TRIM16: variants seen among roughly 807,000 people sequenced by gnomAD.
The protein encoded by TRIM16 is tripartite motif containing 16.
TRIM16 carries 33 observed loss-of-function variants against 50.4 expected under a neutral mutation model. The ratio of observed to expected loss-of-function variants is 0.65; its 90% CI spans 0.50 to 0.88. TRIM16 has a LOEUF of 0.88. Ranked by LOEUF, TRIM16 falls within the 40% of genes least tolerant of loss-of-function variation. The pLI, the probability that TRIM16 is intolerant of heterozygous loss-of-function variation, is 0.00. For synonymous variants in TRIM16, 229 were observed against 270.7 expected, an observed-to-expected ratio of 0.85 and a Z score of 1.51; for missense variants, 581 against 686.8, an observed-to-expected ratio of 0.85 and a Z score of 1.72.
Position 15,651,538 on chromosome 17 carries a change from G to A in TRIM16, c.72C>T (p.Ser24=), listed in dbSNP as rs1987707117. 1.2e-6 allele frequency: 2 copies of A among 1,613,828 alleles called. No homozygotes were observed. The highest frequency in any genetic ancestry group is 1.7e-6 in the Non-Finnish European group (2 of 1,179,952). ...RATAQPPAPL[S]PDSGSPSPDS... ...CTGGGCTGGGTGACCCAGAGTCTGG[G>A]CTGAGAGGGGCTGGGGGCTGAGCAG... Residue 24 remains serine (S), a synonymous_variant, in exon 7 of 12, where the codon AGC becomes AGT. Coordinates refer to ENST00000649191, the MANE Select transcript of TRIM16 (RefSeq NM_001348119.1).
Position 15,639,958 on chromosome 17 carries a change from C to A in TRIM16, c.615+2763G>T, listed in dbSNP as rs1355494066. On this transcript the variant is annotated intron_variant, in intron 8 of 11. Coordinates refer to ENST00000649191, the MANE Select transcript of TRIM16 (RefSeq NM_001348119.1). ...ACTCTTCCAATTATATAACAATAAT[C>A]ATAAAAACAACCAACATGTAGTAAG... Among the ~76,000 whole-genome samples the A allele has an allele frequency of 2.0e-5, 3 of 149,282 alleles. 1 individual carries two copies. Among genetic ancestry groups the A allele is most frequent in the Non-Finnish European group, 4.5e-5 (3 of 67,208 alleles).
At chr17:15,664,786 G>A (rs1227442153) in intron 6 of TRIM16, among the ~76,000 whole-genome samples, 1 of 152,118 alleles carries the variant, frequency 6.6e-6, no homozygotes, top group Non-Finnish European at 1.5e-5. Context: ...TGTCATCCCA[G>A]CGCTCTGGAA....
At chr17:15,644,681 G>T (rs183744619) in intron 7 of TRIM16, among the ~76,000 whole-genome samples, 2 of 152,014 alleles carry the variant, frequency 1.3e-5, no homozygotes, top group Non-Finnish European at 2.9e-5. Context: ...GCTCTCGGGA[G>T]CCCCCTCAGC....
At chr17:15,642,058 G>A (rs1361506614) in intron 8 of TRIM16, among the ~76,000 whole-genome samples, 1 of 148,580 alleles carries the variant, frequency 6.7e-6, no homozygotes, top group Non-Finnish European at 1.5e-5. Flanking sequence ...TGGCCAGACT[G>A]GTCTCGAACT....
intron 6 of TRIM16, among the ~76,000 whole-genome samples, chr17:15,670,356 A>G (rs1225239676): frequency 2.0e-5 from 3 of 152,106 alleles, no homozygotes; most frequent in Non-Finnish European, 2.9e-5. Flanking sequence ...AATAACTACC[A>G]CTAAATGTAA....
intron 6 of TRIM16, among the ~76,000 whole-genome samples, chr17:15,669,063 G>A (rs1988619291): frequency 6.6e-6 from 1 of 151,850 alleles, no homozygotes; most frequent in Non-Finnish European, 1.5e-5. Flanking sequence ...ACATTATTAA[G>A]AATGAAATAT....
At position 15,660,471 on chromosome 17, in the gene TRIM16, T is replaced by A. The variant is rs148605003; in HGVS notation, c.-337-8525A>T. ...GAAAACCAGATGGTTAAACACTCCA[T>A]ATTTCTATACCCCTGATTGTCTGCA... On this transcript the variant is annotated intron_variant, in intron 6 of 11. Coordinates refer to ENST00000649191, the MANE Select transcript of TRIM16 (RefSeq NM_001348119.1). 5.3e-3 allele frequency among the ~76,000 whole-genome samples: 802 copies of A among 152,314 alleles called. 5 individuals carry two copies. Among genetic ancestry groups the A allele is most frequent in the Middle Eastern group, 0.044 (13 of 294 alleles).
At chr17:15,634,857 A>G (rs564118484) in intron 9 of TRIM16, among the ~76,000 whole-genome samples, 8 of 149,048 alleles carry the variant, frequency 5.4e-5, no homozygotes, top group Non-Finnish European at 1.2e-4. Context: ...ACAAAACGAG[A>G]AAAGAGAAAT....
In TRIM16 at chr17:15,628,131, A is replaced by C. The variant is rs1467875801; in HGVS notation, c.*484T>G. 6.5e-6 allele frequency: 1 copy of C among 153,400 alleles called. No individual in the cohort carries two copies. Among genetic ancestry groups the C allele is most frequent in the Non-Finnish European group, 1.4e-5 (1 of 69,074 alleles). The allele number at this position is 153,400 out of a possible 1,614,324, so 9.5% of individuals were successfully genotyped here. On this transcript the variant is annotated 3_prime_UTR_variant, in exon 12 of 12. Transcript: ENST00000649191. ...TGCCTAAAAATTACTACAAACAGGC[A>C]GGGCGCAGTGGCTCACGCATGTAAT...
Position 15,638,255 on chromosome 17 carries a change from AT to A in TRIM16, c.616-1987del, listed in dbSNP as rs766428163. Reference sequence around the variant, plus strand: ...CCAAGAATTATCAATAAAAAAATAAATTTAAAAAAAAAAAAAAAAAAGAATT... The same window carrying A: ...CCAAGAATTATCAATAAAAAAATAAATTAAAAAAAAAAAAAAAAAAGAATT... On this transcript the variant is annotated intron_variant, in intron 8 of 11. Coordinates refer to ENST00000649191, the MANE Select transcript of TRIM16 (RefSeq NM_001348119.1). Among the ~76,000 whole-genome samples the A allele has an allele frequency of 4.0e-3, 532 of 131,444 alleles. 27 individuals carry two copies. The highest frequency in any genetic ancestry group is 0.015 in the African/African-American group (441 of 29,232). The allele number at this position is 131,444 out of a possible 152,430, so 86.2% of individuals were successfully genotyped here.
chr17:15,649,652 T>C (rs994802190), intron 7 of TRIM16, among the ~76,000 whole-genome samples: 1 of 152,162 alleles, frequency 6.6e-6, no homozygotes, highest in African/African-American at 2.4e-5. Context: ...AATTCTTGTA[T>C]ATGTGTGGCA....
intron 6 of TRIM16, among the ~76,000 whole-genome samples, chr17:15,653,367 C>T (rs1402904354): frequency 6.6e-6 from 1 of 152,156 alleles, no homozygotes; most frequent in Admixed American, 6.5e-5. Context: ...TATTCCTTTA[C>T]AGCAACACAA....
At chr17:15,633,112 T>C (rs1986516888) in intron 9 of TRIM16, among the ~76,000 whole-genome samples, 1 of 152,240 alleles carries the variant, frequency 6.6e-6, no homozygotes, top group Admixed American at 6.5e-5. Flanking sequence ...ATCCAATGCA[T>C]AAATTTCTGT....
At chr17:15,656,010 A>G (rs1350544813) in intron 6 of TRIM16, among the ~76,000 whole-genome samples, 1 of 152,174 alleles carries the variant, frequency 6.6e-6, no homozygotes, top group Non-Finnish European at 1.5e-5. Flanking sequence ...TCCGAGCTCA[A>G]TGGGAGACGG....
At chr17:15,655,853 T>C (rs1488464611) in intron 6 of TRIM16, among the ~76,000 whole-genome samples, 1 of 152,182 alleles carries the variant, frequency 6.6e-6, no homozygotes, top group African/African-American at 2.4e-5. Flanking sequence ...GGAGTACAGG[T>C]GTGAGCCACC....
Position 15,628,706 on chromosome 17 carries a change from C to T in TRIM16, c.1604G>A (p.Trp535Ter). The T allele has an allele frequency of 6.2e-7, 1 of 1,614,140 alleles. No individual in the cohort carries two copies. The highest frequency in any genetic ancestry group is 1.1e-5 in the South Asian group (1 of 91,078). Residue 535 changes from tryptophan to a stop codon, truncating the protein, a stop_gained, in exon 12 of 12, where the codon TGG becomes TAG. Transcript: ENST00000649191. LOFTEE classifies it high-confidence loss of function. ...GATGGCGTTTTCCTTCTTGGAAAGC[C>T]AGAAGGCAGCATAGACTGGTTCTGA... ...KFSEPVYAAF[W>*]LSKKENAIRI... is the part of the protein sequence containing the mutation.
rs993104691 is a variant in TRIM16, at chr17:15,638,623, A to C, written c.616-2354T>G. Among the ~76,000 whole-genome samples the C allele has an allele frequency of 7.4e-5, 11 of 149,204 alleles. 1 individual carries two copies. The highest frequency in any genetic ancestry group is 2.5e-4 in the African/African-American group (10 of 40,290). ...CTCCCAATGTTAAGGGCCAGCTCTG[A>C]ACATCAGGGCTCCAAAGTGAGTCAA... On this transcript the variant is annotated intron_variant, in intron 8 of 11. Coordinates refer to ENST00000649191, the MANE Select transcript of TRIM16 (RefSeq NM_001348119.1).
chr17:15,673,857 C>T (rs1988815303), intron 6 of TRIM16, among the ~76,000 whole-genome samples: 1 of 152,098 alleles, frequency 6.6e-6, no homozygotes, highest in Admixed American at 6.6e-5. Context: ...ATTCATATGA[C>T]CATTTTTTTA....
intron 6 of TRIM16, among the ~76,000 whole-genome samples, chr17:15,662,915 G>A (rs2159084): frequency 0.027 from 4,184 of 152,242 alleles, 126 homozygotes; most frequent in East Asian, 0.14. Context: ...GATAGGGCAG[G>A]GCTACTACTA....
Sources: allele counts gnomAD v4.1 joint callset (sites outside exome capture counted in the v4.1 genomes callset), GRCh38; gene constraint gnomAD v4.1.1; transcripts MANE v1.5; gene names NCBI Gene and HGNC (gene_info 2026-07-23, HGNC 2026-07-21).